The following STXBP5L variants were observed in gnomAD, a reference collection of about 807,000 sequenced individuals.
STXBP5L encodes the protein syntaxin-binding protein 5-like.
STXBP5L carries 65 observed loss-of-function variants against 144.5 expected under a neutral mutation model. That is an observed-to-expected ratio of 0.45 (90% confidence interval 0.37 to 0.55). The LOEUF is 0.55. Ranked by LOEUF, STXBP5L falls within the 20% of genes least tolerant of loss-of-function variation. STXBP5L has a pLI of 0.00. For missense variants in STXBP5L, 1,298 were observed against 1,405.5 expected, an observed-to-expected ratio of 0.92 and a Z score of 1.22; for synonymous variants, 505 against 469.6, an observed-to-expected ratio of 1.08 and a Z score of -0.97.
chr3:121,315,879 G>A (rs980259555), intron 19 of STXBP5L, among the ~76,000 whole-genome samples: 27 of 151,722 alleles, frequency 1.8e-4, no homozygotes, highest in African/African-American at 6.3e-4. Flanking sequence ...GCACACACCT[G>A]TAATCCCAGC....
intron 3 of STXBP5L, among the ~76,000 whole-genome samples, chr3:120,988,762 A>G (rs1388725050): frequency 6.6e-6 from 1 of 152,078 alleles, no homozygotes; most frequent in African/African-American, 2.4e-5. Context: ...TGTAGCCATC[A>G]CAAATAGTGT....
chr3:121,001,223 A>G (rs535240940), intron 3 of STXBP5L, among the ~76,000 whole-genome samples: 1 of 152,290 alleles, frequency 6.6e-6, no homozygotes, highest in South Asian at 2.1e-4. Context: ...GGCCCATGTG[A>G]AAAAACTCTC....
intron 5 of STXBP5L, among the ~76,000 whole-genome samples, chr3:121,079,782 G>A (rs1394945427): frequency 6.6e-6 from 1 of 152,196 alleles, no homozygotes; most frequent in Admixed American, 6.5e-5. Context: ...ACGCTGATGA[G>A]AAGAATGTAT....
chr3:121,087,082 G>C (rs546215429), intron 5 of STXBP5L, among the ~76,000 whole-genome samples: 2 of 152,070 alleles, frequency 1.3e-5, no homozygotes, highest in East Asian at 1.9e-4. Context: ...AAATTGTTGA[G>C]GTTTGTTTTT....
At chr3:121,211,412 C>G (rs753168378) in intron 10 of STXBP5L, among the ~76,000 whole-genome samples, 1 of 151,936 alleles carries the variant, frequency 6.6e-6, no homozygotes, top group African/African-American at 2.4e-5. Context: ...AATTGAAAAC[C>G]CTTTCTTTCT....
chr3:120,991,979 T>C lies in STXBP5L; in HGVS notation c.287+36942T>C, dbSNP rs532217356. On this transcript the variant is annotated intron_variant, in intron 3 of 26. Coordinates refer to ENST00000471454, the MANE Select transcript of STXBP5L (RefSeq NM_001308330.2). ...AGTATAATAAAAAAAATCCATATAGTGATTGCTGCTTTTTAAAAAAATTAA... is the reference window on the plus strand; with the variant it reads ...AGTATAATAAAAAAAATCCATATAGCGATTGCTGCTTTTTAAAAAAATTAA... 3.3e-5 allele frequency among the ~76,000 whole-genome samples: 5 copies of C among 152,212 alleles called. 1 individual carries two copies. The South Asian group carries it at 1.0e-3, about 32-fold the overall frequency.
At chr3:120,930,668 A>G (rs1164083727) in intron 2 of STXBP5L, among the ~76,000 whole-genome samples, 3 of 152,178 alleles carry the variant, frequency 2.0e-5, no homozygotes, top group Non-Finnish European at 4.4e-5. Flanking sequence ...TTTAGTATAT[A>G]GTATGACTCC....
chr3:121,370,905 G>A lies in STXBP5L; in HGVS notation c.2177-7811G>A, dbSNP rs573831188. On this transcript the variant is annotated intron_variant, in intron 20 of 26. Coordinates refer to ENST00000471454, the MANE Select transcript of STXBP5L (RefSeq NM_001308330.2). Reference sequence around the variant, plus strand: ...CTGGCTGTTTTGTCTGTCCGCTCCTGTATTATTTTATTGTGATTCTTAGCT... The same window carrying A: ...CTGGCTGTTTTGTCTGTCCGCTCCTATATTATTTTATTGTGATTCTTAGCT... Among the ~76,000 whole-genome samples, 359 of 152,234 alleles carry A rather than the reference G, an allele frequency of 2.4e-3. 2 individuals are homozygous for A. Among genetic ancestry groups the A allele is most frequent in the Non-Finnish European group, 3.9e-3 (266 of 68,002 alleles).
At chr3:121,098,626 G>A (rs1270265009) in intron 5 of STXBP5L, among the ~76,000 whole-genome samples, 1 of 152,190 alleles carries the variant, frequency 6.6e-6, no homozygotes, top group African/African-American at 2.4e-5. Context: ...TATGAGGCCA[G>A]AGAAATGAAG....
intron 22 of STXBP5L, among the ~76,000 whole-genome samples, chr3:121,390,930 G>T (rs1194287798): frequency 6.6e-6 from 1 of 152,122 alleles, no homozygotes; most frequent in Non-Finnish European, 1.5e-5. Flanking sequence ...ATGTTGGCCT[G>T]CCTTGCTAAG....
chr3:121,097,012 G>T (rs1181304234), intron 5 of STXBP5L, among the ~76,000 whole-genome samples: 2 of 152,190 alleles, frequency 1.3e-5, no homozygotes, highest in Non-Finnish European at 2.9e-5. Context: ...CCTTATGGGG[G>T]CTGCTGCCTT....
At chr3:120,934,049 C>T (rs756531195) in intron 2 of STXBP5L, among the ~76,000 whole-genome samples, 2 of 150,210 alleles carry the variant, frequency 1.3e-5, no homozygotes, top group Admixed American at 1.3e-4. Flanking sequence ...TTCTCTCTGC[C>T]TAGGTTAGCT....
At chr3:120,952,829 T>C (rs1302794148) in intron 2 of STXBP5L, among the ~76,000 whole-genome samples, 1 of 152,088 alleles carries the variant, frequency 6.6e-6, no homozygotes, top group African/African-American at 2.4e-5. Context: ...GTTTCTTTTG[T>C]ACCCTGTCAC....
At chr3:121,191,938 GCC>G (rs1190734267) in intron 9 of STXBP5L, among the ~76,000 whole-genome samples, 75 of 146,224 alleles carry the variant, frequency 5.1e-4, no homozygotes, top group African/African-American at 1.8e-3. Context: ...ACACACAGGG[GCC>G]TGTTTTGGGG....
At chr3:121,223,654 T>A (rs976959476) in intron 11 of STXBP5L, among the ~76,000 whole-genome samples, 3 of 152,202 alleles carry the variant, frequency 2.0e-5, no homozygotes, top group Non-Finnish European at 4.4e-5. Context: ...AATGACTTTT[T>A]AAAATTTTGA....
intron 19 of STXBP5L, among the ~76,000 whole-genome samples, chr3:121,301,867 G>A (rs1390699154): frequency 6.6e-6 from 1 of 152,154 alleles, no homozygotes; most frequent in Non-Finnish European, 1.5e-5. Flanking sequence ...TGCGTATGTT[G>A]AACCAGCCTT....
chr3:120,982,482 T>G (rs538328902), intron 3 of STXBP5L, among the ~76,000 whole-genome samples: 15 of 152,302 alleles, frequency 9.8e-5, no homozygotes, highest in African/African-American at 2.9e-4. Context: ...ATGCAATCCA[T>G]TTCCCTGTTA....
At chr3:121,418,965 T>C (rs889054951) in intron 26 of STXBP5L, 91 bp from the exon 27 acceptor site, 2 of 1,330,308 alleles carry the variant, frequency 1.5e-6, no homozygotes, top group Non-Finnish European at 2.1e-6. Context: ...AGTTTTGAGA[T>C]AGATTTGCAT....
At chr3:121,089,806 T>A (rs999518254) in intron 5 of STXBP5L, among the ~76,000 whole-genome samples, 1 of 152,090 alleles carries the variant, frequency 6.6e-6, no homozygotes, top group Admixed American at 6.6e-5. Flanking sequence ...GAATAAATAT[T>A]ATTACATCCT....
Sources: allele counts gnomAD v4.1 joint callset (sites outside exome capture counted in the v4.1 genomes callset), GRCh38; gene constraint gnomAD v4.1.1; transcripts MANE v1.5; gene names NCBI Gene and HGNC (gene_info 2026-07-23, HGNC 2026-07-21).